MME: variants seen among roughly 807,000 people sequenced by gnomAD.
The protein encoded by MME is membrane metalloendopeptidase.
A neutral mutation model predicts 113.2 loss-of-function variants in MME; 98 were observed. The ratio of observed to expected loss-of-function variants is 0.87; its 90% CI spans 0.74 to 1.02. The LOEUF (loss-of-function observed/expected upper bound fraction) is 1.02, where lower values mean the gene tolerates loss of function less well. MME is among the 50% of genes least tolerant of loss of function. MME has a pLI of 0.00. For missense variants in MME, 836 were observed against 896.0 expected, an observed-to-expected ratio of 0.93 and a Z score of 0.86; for synonymous variants, 292 against 300.6, an observed-to-expected ratio of 0.97 and a Z score of 0.30.
intron 16 of MME, among the ~76,000 whole-genome samples, chr3:155,154,111 T>A (rs1323099712): frequency 6.6e-6 from 1 of 152,184 alleles, no homozygotes; most frequent in Non-Finnish European, 1.5e-5. Context: ...AATATTGAGG[T>A]GAGCAGAGGA....
At chr3:155,154,279 G>A (rs1045821436) in intron 16 of MME, among the ~76,000 whole-genome samples, 7 of 152,040 alleles carry the variant, frequency 4.6e-5, no homozygotes, top group Non-Finnish European at 1.0e-4. Flanking sequence ...CTGTGACTCC[G>A]TGGTGCATAT....
chr3:155,056,628 C>T (rs113696766), intron 1 of MME, among the ~76,000 whole-genome samples: 6,505 of 151,428 alleles, frequency 0.043, 154 homozygotes, highest in African/African-American at 0.051. Flanking sequence ...AATAGTGCCG[C>T]AATAAACATA....
intron 8 of MME, among the ~76,000 whole-genome samples, chr3:155,130,590 C>T (rs1331596586): frequency 6.6e-6 from 1 of 152,030 alleles, no homozygotes; most frequent in South Asian, 2.1e-4. Flanking sequence ...AGCCAGAAAG[C>T]GATGACCCAG....
chr3:155,025,677 CTTTCTTTCTTTCTTT>C (rs1229185790), intron 1 of MME, among the ~76,000 whole-genome samples: 7 of 130,750 alleles, frequency 5.4e-5, no homozygotes, highest in Non-Finnish European at 9.8e-5. Context: ...CAGATTTTTT[CTTTCTTTCTTTCTTT>C]TTTTTTTTTT....
In MME at chr3:155,147,130, T is replaced by A; in HGVS notation, c.1417-14T>A. The A allele has an allele frequency of 6.5e-7, 1 of 1,534,726 alleles. No individual in the cohort carries two copies. Among genetic ancestry groups the A allele is most frequent in the Non-Finnish European group, 9.0e-7 (1 of 1,107,964 alleles). On this transcript the variant is annotated splice_polypyrimidine_tract_variant and intron_variant, in intron 14 of 22. Transcript: ENST00000360490. ...ATATAATCATCTTCACATTCAATAT[T>A]ATAATTTTCATAGGCCTTAGCAATT...
chr3:155,155,957 T>G (rs906868763), intron 16 of MME, among the ~76,000 whole-genome samples: 12 of 152,224 alleles, frequency 7.9e-5, no homozygotes, highest in Non-Finnish European at 1.5e-4. Flanking sequence ...GTAGTAATTT[T>G]CCATTACCTT....
intron 17 of MME, among the ~76,000 whole-genome samples, chr3:155,165,788 A>G (rs534152046): frequency 1.1e-4 from 17 of 152,294 alleles, no homozygotes; most frequent in African/African-American, 4.1e-4. Context: ...GCAGACTTGT[A>G]AAAGACTGTA....
At chr3:155,063,153 T>TAC (rs1485057366) in intron 1 of MME, among the ~76,000 whole-genome samples, 14 of 135,114 alleles carry the variant, frequency 1.0e-4, no homozygotes, top group Non-Finnish European at 1.2e-4. Context: ...TATATATTTA[T>TAC]GTTGTATAAT....
At position 155,072,118 on chromosome 3, in the gene MME, G is replaced by A. The variant is rs1469229263; in HGVS notation, c.-10-12040G>A. Reference sequence around the variant, plus strand: ...GGAGCTTGCAGTGAGCCGAGATTGCGCCACTGCAGTCCGCAGTCCGGCCTG... The same window carrying A: ...GGAGCTTGCAGTGAGCCGAGATTGCACCACTGCAGTCCGCAGTCCGGCCTG... On this transcript the variant is annotated intron_variant, in intron 1 of 22. Coordinates refer to the MME transcript ENST00000492661. Among the ~76,000 whole-genome samples, 4 of 129,564 alleles carry A rather than the reference G, an allele frequency of 3.1e-5. No individual in the cohort carries two copies. The East Asian group carries it at 7.3e-4, about 24-fold the overall frequency. The allele number at this position is 129,564 out of a possible 152,430, so 85.0% of individuals were successfully genotyped here.
rs948786012 is a variant in MME at position 155,143,468 on chromosome 3, C to G, written c.1214C>G (p.Thr405Arg). The G allele has an allele frequency of 1.2e-6, 2 of 1,612,412 alleles. No homozygotes were observed. The highest frequency in any genetic ancestry group is 1.3e-5 in the African/African-American group (1 of 74,838). ...RKALYGTTSE[T>R]ATWRRCANYV... is the part of the protein sequence containing the mutation. ...GCCCTTTATGGTACAACCTCAGAAA[C>G]AGCAACTTGGAGACGTTGTGCAAAC... Residue 405 changes from threonine to arginine, a missense_variant, in exon 13 of 23, where the codon ACA becomes AGA. Physicochemically the swap from Thr to Arg is moderately conservative, Grantham distance 71 (BLOSUM62 -1). Coordinates refer to ENST00000360490, the MANE Select transcript of MME (RefSeq NM_007289.4).
intron 22 of MME, 116 bp from the exon 23 acceptor site, chr3:155,180,244 A>G: frequency 1.2e-6 from 1 of 810,108 alleles, no homozygotes; most frequent in Non-Finnish European, 2.2e-6. Context: ...TTTTAAGTTT[A>G]ACTTTAAATT....
intron 22 of MME, among the ~76,000 whole-genome samples, chr3:155,173,312 A>G (rs1434036058): frequency 6.7e-6 from 1 of 150,034 alleles, no homozygotes; most frequent in Non-Finnish European, 1.5e-5. Context: ...CTGATCAACA[A>G]CACCTCTCAG....
At chr3:155,038,744 C>T (rs549992568) in intron 1 of MME, among the ~76,000 whole-genome samples, 14 of 152,184 alleles carry the variant, frequency 9.2e-5, no homozygotes, top group African/African-American at 3.4e-4. Context: ...TCATGCTTAC[C>T]ATAGATCTTA....
At chr3:155,138,354 A>G (rs1720803506) in intron 9 of MME, 118 bp downstream of exon 9, 5 of 1,019,662 alleles carry the variant, frequency 4.9e-6, no homozygotes, top group Non-Finnish European at 7.5e-6. Flanking sequence ...GTAAAAATGC[A>G]TGGCTTGGTA....
intron 8 of MME, among the ~76,000 whole-genome samples, chr3:155,127,271 G>A (rs892032719): frequency 1.3e-5 from 2 of 152,148 alleles, no homozygotes; most frequent in Non-Finnish European, 2.9e-5. Flanking sequence ...CTGCTCCATG[G>A]GAATGTCTGG....
intron 20 of MME, among the ~76,000 whole-genome samples, chr3:155,169,195 T>C (rs977934321): frequency 1.3e-5 from 2 of 152,176 alleles, no homozygotes; most frequent in Non-Finnish European, 2.9e-5. Flanking sequence ...TTCAGTTTTG[T>C]AGCAGGTGAA....
At chr3:155,043,396 A>C (rs1476248014) in intron 1 of MME, among the ~76,000 whole-genome samples, 1 of 150,132 alleles carries the variant, frequency 6.7e-6, no homozygotes, top group Non-Finnish European at 1.5e-5. Flanking sequence ...CAATGGTGCG[A>C]TCTTGGCTCA....
chr3:155,075,863 C>T (rs1241896803), upstream of MME, among the ~76,000 whole-genome samples: 3 of 152,170 alleles, frequency 2.0e-5, no homozygotes, highest in Admixed American at 2.0e-4. Flanking sequence ...TAAACTCTCC[C>T]AGCTTACACA....
At chr3:155,071,838 C>T (rs1305098835) in intron 1 of MME, among the ~76,000 whole-genome samples, 1 of 152,178 alleles carries the variant, frequency 6.6e-6, no homozygotes, top group Non-Finnish European at 1.5e-5. Flanking sequence ...TGCCTTAGAT[C>T]ACTTATTTAT....
Sources: allele counts gnomAD v4.1 joint callset (sites outside exome capture counted in the v4.1 genomes callset), GRCh38; gene constraint gnomAD v4.1.1; transcripts MANE v1.5; gene names NCBI Gene and HGNC (gene_info 2026-07-23, HGNC 2026-07-21).